PCDH11X: variants seen among roughly 807,000 people sequenced by gnomAD.
PCDH11X encodes the protein protocadherin 11 X-linked.
A neutral mutation model predicts 53.3 loss-of-function variants in PCDH11X; 18 were observed. That is an observed-to-expected ratio of 0.34 (90% CI 0.23 to 0.50). PCDH11X has a LOEUF of 0.50. PCDH11X is among the 20% of genes least tolerant of loss of function. PCDH11X has a pLI of 0.98. For missense variants in PCDH11X, 570 were observed against 1,032.4 expected (o/e 0.55, Z 6.14); for synonymous variants, 279 against 393.3 (o/e 0.71, Z 3.44).
At chrX:92,294,371 G>C (rs1043390436) in intron 8 of PCDH11X, among the ~76,000 whole-genome samples, 2 of 111,253 alleles carry the variant, frequency 1.8e-5, no homozygotes, top group African/African-American at 6.6e-5. Flanking sequence ...TCGAATTCCT[G>C]AACTCAGGCG....
chrX:92,313,892 A>G (rs2069014139), intron 8 of PCDH11X, among the ~76,000 whole-genome samples: 1 of 111,616 alleles, frequency 9.0e-6, no homozygotes, highest in Non-Finnish European at 1.9e-5. Flanking sequence ...GGCAATTACC[A>G]TGAATGAGCT....
chrX:92,505,152 CTTTT>C (rs58620449), intron 10 of PCDH11X, among the ~76,000 whole-genome samples: 22,260 of 64,148 alleles, frequency 0.35, 2,953 homozygotes, highest in Middle Eastern at 0.42. Context: ...TTTCTTTTTT[CTTTT>C]TTTTTTTTTT....
chrX:92,235,149 G>A (rs763742756), intron 7 of PCDH11X, among the ~76,000 whole-genome samples: 103 of 106,552 alleles, frequency 9.7e-4, no homozygotes, highest in Non-Finnish European at 1.6e-3. Context: ...TGATAAAAAA[G>A]AAAGAGAAAT....
intron 6 of PCDH11X, among the ~76,000 whole-genome samples, chrX:92,164,050 T>C (rs894519403): frequency 2.7e-4 from 30 of 112,218 alleles, no homozygotes; most frequent in African/African-American, 7.8e-4. Context: ...TCAAGAATTA[T>C]TGTTTTTCAA....
At chrX:92,467,733 G>A (rs774995267) in intron 9 of PCDH11X, among the ~76,000 whole-genome samples, 6 of 111,241 alleles carry the variant, frequency 5.4e-5, no homozygotes, top group African/African-American at 1.9e-4. Context: ...AATTTTAGGT[G>A]AAGACAATGG....
At chrX:92,084,270 G>A (rs1252350583) in intron 6 of PCDH11X, among the ~76,000 whole-genome samples, 8 of 109,276 alleles carry the variant, frequency 7.3e-5, no homozygotes, top group African/African-American at 1.7e-4. Context: ...AGTTCGGGCC[G>A]GGTGCAGTGG....
chrX:91,991,376 T>C (rs1405452952), intron 6 of PCDH11X, among the ~76,000 whole-genome samples: 1 of 79,899 alleles, frequency 1.3e-5, no homozygotes, highest in Non-Finnish European at 2.3e-5. Flanking sequence ...TTTTGGTCTG[T>C]TGGTGCTTCC....
chrX:91,816,156 C>T (rs764310234), intron 4 of PCDH11X, among the ~76,000 whole-genome samples: 35 of 110,952 alleles, frequency 3.2e-4, no homozygotes, highest in African/African-American at 9.8e-4. Context: ...ATCTCCAATA[C>T]GCAAAATGCC....
intron 8 of PCDH11X, among the ~76,000 whole-genome samples, chrX:92,383,999 C>T (rs199499344): frequency 5.4e-5 from 6 of 111,973 alleles, no homozygotes; most frequent in Admixed American, 3.8e-4. Context: ...TGTTTCCTGA[C>T]ATTTTAATGA....
intron 7 of PCDH11X, among the ~76,000 whole-genome samples, chrX:92,212,014 T>TTTC (rs1556245753): frequency 1.0e-5 from 1 of 98,457 alleles, no homozygotes; most frequent in African/African-American, 3.7e-5. Flanking sequence ...TGCTTTTTTT[T>TTTC]TTTTTTTTTT....
intron 10 of PCDH11X, among the ~76,000 whole-genome samples, chrX:92,546,545 G>T (rs2074858732): frequency 9.1e-6 from 1 of 109,943 alleles, no homozygotes; most frequent in South Asian, 3.9e-4. Flanking sequence ...ATATGTTAAT[G>T]CAAGGAAAAA....
intron 6 of PCDH11X, among the ~76,000 whole-genome samples, chrX:91,899,899 A>T (rs1465696934): frequency 9.0e-6 from 1 of 111,536 alleles, no homozygotes; most frequent in African/African-American, 3.3e-5. Context: ...ATTGATAACT[A>T]CCTTCTTCTA....
intron 6 of PCDH11X, among the ~76,000 whole-genome samples, chrX:92,082,846 C>G (rs2063883868): frequency 9.3e-6 from 1 of 107,649 alleles, no homozygotes; most frequent in Non-Finnish European, 1.9e-5. Context: ...CCAACTGTTG[C>G]TTCATTCACC....
chrX:92,501,626 A>G (rs1175987138), intron 10 of PCDH11X, among the ~76,000 whole-genome samples: 1 of 111,807 alleles, frequency 8.9e-6, no homozygotes, highest in East Asian at 2.8e-4. Context: ...AAACCACACG[A>G]TCATTTCAAT....
intron 6 of PCDH11X, among the ~76,000 whole-genome samples, chrX:91,890,900 G>T (rs1014358365): frequency 6.4e-5 from 7 of 108,865 alleles, no homozygotes; most frequent in African/African-American, 2.3e-4. Context: ...ACAGCTCAGT[G>T]AGGACTTTGG....
chrX:92,139,017 G>C (rs1457607728), intron 6 of PCDH11X, among the ~76,000 whole-genome samples: 3 of 107,462 alleles, frequency 2.8e-5, no homozygotes, highest in African/African-American at 1.0e-4. Flanking sequence ...GGATGCAAAT[G>C]TTTTGGCTAA....
intron 9 of PCDH11X, among the ~76,000 whole-genome samples, chrX:92,435,642 C>A (rs2072352889): frequency 9.0e-6 from 1 of 111,191 alleles, no homozygotes; most frequent in Non-Finnish European, 1.9e-5. Flanking sequence ...CATTCTTAAA[C>A]AAACAAACAA....
chrX:91,994,594 G>A lies in PCDH11X; in HGVS notation c.3033+115321G>A, dbSNP rs758782369. On this transcript the variant is annotated intron_variant, in intron 6 of 10. Transcript: ENST00000682573. ...CCATATCTTGGCTATTGTGAATAAT[G>A]CTGCAAAGAACATGAGAACGTAGAT... is the stretch of plus-strand genomic sequence containing the variant. Among the ~76,000 whole-genome samples the A allele has an allele frequency of 5.0e-5, 5 of 100,207 alleles. No homozygotes were observed. In the Admixed American group the frequency reaches 5.3e-4, roughly 11 times the overall value. 87.0% of individuals were successfully genotyped at this position (100,207 alleles called of 115,157 possible).
At chrX:92,594,055 GGA>G (rs947039310) in intron 10 of PCDH11X, among the ~76,000 whole-genome samples, 1 of 89,964 alleles carries the variant, frequency 1.1e-5, no homozygotes, top group African/African-American at 4.1e-5. Flanking sequence ...ATTAGAGGGG[GGA>G]GAGAGAAGAC....
Sources: allele counts gnomAD v4.1 joint callset (sites outside exome capture counted in the v4.1 genomes callset), GRCh38; gene constraint gnomAD v4.1.1; transcripts MANE v1.5; gene names NCBI Gene and HGNC (gene_info 2026-07-23, HGNC 2026-07-21).